RABGAP1L: variants seen among roughly 807,000 people sequenced by gnomAD.
RABGAP1L encodes RAB GTPase activating protein 1 like.
A neutral mutation model predicts 137.7 loss-of-function variants in RABGAP1L; 63 were observed. That is an observed-to-expected ratio of 0.46 (90% CI 0.37 to 0.56). RABGAP1L has a LOEUF of 0.56. Among genes scored for constraint, RABGAP1L ranks in the 20% least tolerant of loss-of-function variants. RABGAP1L has a pLI of 0.00. For synonymous variants in RABGAP1L, 431 were observed against 433.7 expected (o/e 0.99, Z 0.08); for missense variants, 1,095 against 1,244.0 (o/e 0.88, Z 1.80).
chr1:174,454,212 G>A (rs894259782), intron 13 of RABGAP1L, among the ~76,000 whole-genome samples: 1 of 151,906 alleles, frequency 6.6e-6, no homozygotes, highest in Non-Finnish European at 1.5e-5. Flanking sequence ...GCAGTGAGCC[G>A]AGATCGCACC....
rs1435628814 is a variant in RABGAP1L, at chr1:174,448,904, A to G, written c.1710+54759A>G. Reference sequence around the variant, plus strand: ...ACACAGCCCTGACCGTCGCTACGCCATGGTTTTGTTTAGGATAACCAGTGT... The same window carrying G: ...ACACAGCCCTGACCGTCGCTACGCCGTGGTTTTGTTTAGGATAACCAGTGT... On this transcript the variant is annotated intron_variant, in intron 13 of 25. Coordinates refer to ENST00000681986, the MANE Select transcript of RABGAP1L (RefSeq NM_001366446.1). This position sits in a 1 kb window ranked among gnomAD's most constrained non-coding sequence, Gnocchi z 4.2. 3 of 1,613,926 alleles carry G rather than the reference A, an allele frequency of 1.9e-6. No homozygotes were observed. Among genetic ancestry groups the G allele is most frequent in the South Asian group, 1.1e-5 (1 of 91,070 alleles).
chr1:174,633,264 G>A (rs1337680015), intron 13 of RABGAP1L, among the ~76,000 whole-genome samples: 1 of 146,000 alleles, frequency 6.8e-6, no homozygotes, highest in African/African-American at 2.6e-5. Context: ...GCCAAATCAT[G>A]AGTGAACTCC....
At chr1:174,880,844 C>T (rs1654078446) in intron 19 of RABGAP1L, among the ~76,000 whole-genome samples, 1 of 152,118 alleles carries the variant, frequency 6.6e-6, no homozygotes, top group Non-Finnish European at 1.5e-5. Context: ...ACCTCAGCCT[C>T]CCAGAGTGGT....
At chr1:174,954,933 C>T (rs1668294134) in intron 19 of RABGAP1L, among the ~76,000 whole-genome samples, 1 of 152,090 alleles carries the variant, frequency 6.6e-6, no homozygotes, top group Admixed American at 6.6e-5. Context: ...TTTTGGTTTT[C>T]TCAGTGTATG....
At chr1:174,972,452 T>C (rs1323783702) in intron 21 of RABGAP1L, among the ~76,000 whole-genome samples, 4 of 152,216 alleles carry the variant, frequency 2.6e-5, no homozygotes, top group African/African-American at 7.2e-5. Flanking sequence ...CATACATATA[T>C]AGCAGAAGCC....
intron 13 of RABGAP1L, among the ~76,000 whole-genome samples, chr1:174,504,957 C>G (rs1042779991): frequency 5.9e-5 from 9 of 151,984 alleles, no homozygotes; most frequent in African/African-American, 2.2e-4. Flanking sequence ...CAAATATTTG[C>G]CAACCATACA....
At chr1:174,581,380 T>A (rs917415095) in intron 13 of RABGAP1L, among the ~76,000 whole-genome samples, 4 of 152,260 alleles carry the variant, frequency 2.6e-5, no homozygotes, top group Non-Finnish European at 5.9e-5. Context: ...AGCATTGATG[T>A]ATGCTACAAC....
At chr1:174,397,632 T>A (rs1334032908) in intron 13 of RABGAP1L, among the ~76,000 whole-genome samples, 1 of 152,226 alleles carries the variant, frequency 6.6e-6, no homozygotes, top group Non-Finnish European at 1.5e-5. Context: ...TTAAACCCTG[T>A]CTGATACACT....
At chr1:174,399,704 C>T (rs564254387) in intron 13 of RABGAP1L, among the ~76,000 whole-genome samples, 139 of 152,188 alleles carry the variant, frequency 9.1e-4, no homozygotes, top group Non-Finnish European at 1.4e-3. Context: ...AATTTACAAT[C>T]GTGGCGGAAA....
At chr1:174,333,731 G>C (rs1267120827) in intron 11 of RABGAP1L, among the ~76,000 whole-genome samples, 1 of 152,194 alleles carries the variant, frequency 6.6e-6, no homozygotes, top group African/African-American at 2.4e-5. Flanking sequence ...GTTTTTATTA[G>C]GGTAGGGCAA....
At chr1:174,350,535 C>T (rs1283043605) in intron 11 of RABGAP1L, among the ~76,000 whole-genome samples, 2 of 135,062 alleles carry the variant, frequency 1.5e-5, no homozygotes, top group Non-Finnish European at 3.2e-5. Context: ...GATGTGATGG[C>T]GGCTGGGAAG....
At chr1:174,229,528 C>T (rs888508886) in intron 3 of RABGAP1L, among the ~76,000 whole-genome samples, 7 of 151,848 alleles carry the variant, frequency 4.6e-5, no homozygotes, top group Non-Finnish European at 7.4e-5. Context: ...TTGGGAATTT[C>T]GGTGTTTAAA....
rs550517204 is a variant in RABGAP1L, at chr1:174,345,676, G to A, written c.1466-25303G>A. Among the ~76,000 whole-genome samples, 155 of 152,126 alleles carry A rather than the reference G, an allele frequency of 1.0e-3. No individual in the cohort carries two copies. The South Asian group carries it at 0.022, about 21-fold the overall frequency. On this transcript the variant is annotated intron_variant, in intron 11 of 25. Transcript: ENST00000681986. ...CTTTAGTTTTTCCAAATATAAGATC[G>A]TATCATCTCCAAAGAAAGATAATTG...
intron 13 of RABGAP1L, among the ~76,000 whole-genome samples, chr1:174,420,318 C>T (rs1479190360): frequency 6.6e-6 from 1 of 151,498 alleles, no homozygotes; most frequent in Non-Finnish European, 1.5e-5. Context: ...TGTAGTGGCA[C>T]ATACTAAAAG....
chr1:174,255,976 A>C (rs1337364815), intron 7 of RABGAP1L, among the ~76,000 whole-genome samples: 2 of 152,216 alleles, frequency 1.3e-5, no homozygotes, highest in African/African-American at 4.8e-5. Context: ...TTACATCACC[A>C]CAGTATACTT....
intron 11 of RABGAP1L, among the ~76,000 whole-genome samples, chr1:174,315,980 G>A (rs1679342319): frequency 6.6e-6 from 1 of 151,772 alleles, no homozygotes; most frequent in South Asian, 2.1e-4. Flanking sequence ...CTGCCTTTAG[G>A]CTCACTAATT....
At chr1:174,385,254 T>G (rs553321694) in intron 12 of RABGAP1L, among the ~76,000 whole-genome samples, 1 of 152,334 alleles carries the variant, frequency 6.6e-6, no homozygotes, top group African/African-American at 2.4e-5. Context: ...TTTGCTTCTC[T>G]TTTCTGTGTG....
chr1:174,880,718 A>G (rs1010864573), intron 19 of RABGAP1L, among the ~76,000 whole-genome samples: 1 of 151,824 alleles, frequency 6.6e-6, no homozygotes, highest in Admixed American at 6.6e-5. Flanking sequence ...GCCTCTCCTG[A>G]GTAGCTGGGA....
At chr1:174,185,622 A>G (rs1666738277) in intron 1 of RABGAP1L, among the ~76,000 whole-genome samples, 1 of 152,156 alleles carries the variant, frequency 6.6e-6, no homozygotes. Context: ...ATGACCTTAT[A>G]ATGGGCTGAG....
Sources: allele counts gnomAD v4.1 joint callset (sites outside exome capture counted in the v4.1 genomes callset), GRCh38; gene constraint gnomAD v4.1.1; non-coding constraint Gnocchi (gnomAD v3.1); transcripts MANE v1.5; gene names NCBI Gene and HGNC (gene_info 2026-07-23, HGNC 2026-07-21).